The following GNB5 variants were observed in gnomAD, a reference collection of about 807,000 sequenced individuals.
The protein encoded by GNB5 is G protein subunit beta 5.
A neutral mutation model predicts 55.3 loss-of-function variants in GNB5; 37 were observed. The observed-to-expected ratio is 0.67, with a 90% CI of 0.51 to 0.88. GNB5 has a LOEUF of 0.88. GNB5 is among the 40% of genes least tolerant of loss of function. GNB5 has a pLI of 0.00. For synonymous variants in GNB5, 219 were observed against 198.5 expected (o/e 1.10, Z -0.87); for missense variants, 476 against 515.3 (o/e 0.92, Z 0.74).
intron 3 of GNB5, among the ~76,000 whole-genome samples, chr15:52,160,460 G>C (rs921571916): frequency 6.6e-6 from 1 of 152,306 alleles, no homozygotes; most frequent in African/African-American, 2.4e-5. Context: ...GGAGAGCAAC[G>C]GGGCTTTTGA....
At chr15:52,158,369 A>G (rs2034260472) in intron 3 of GNB5, among the ~76,000 whole-genome samples, 1 of 152,242 alleles carries the variant, frequency 6.6e-6, no homozygotes, top group Non-Finnish European at 1.5e-5. Flanking sequence ...CATGGCGTAC[A>G]GTGAGTACCC....
chr15:52,128,945 T>C (rs1357172934), intron 9 of GNB5: 2 of 300,678 alleles, frequency 6.7e-6, no homozygotes, highest in African/African-American at 2.4e-5. Context: ...ACACCTTCCA[T>C]TGTTTCTCCT....
At chr15:52,147,177 T>G (rs1288026305) in intron 6 of GNB5, 2 of 240,640 alleles carry the variant, frequency 8.3e-6, no homozygotes, top group Non-Finnish European at 1.6e-5. Flanking sequence ...TTTTTTTTTT[T>G]TTTTTTTAAA....
chr15:52,180,150 G>T, intron 2 of GNB5: 1 of 259,312 alleles, frequency 3.9e-6, no homozygotes, highest in Non-Finnish European at 7.1e-6. Flanking sequence ...TTTACCAGCG[G>T]GCAAACTGTG....
chr15:52,137,414 A>C (rs1461255715), intron 7 of GNB5: 1 of 1,026,058 alleles, frequency 9.7e-7, no homozygotes, highest in Non-Finnish European at 1.2e-6. Context: ...AGGGGGGCCT[A>C]TGTCTGCACT....
intron 3 of GNB5, among the ~76,000 whole-genome samples, chr15:52,166,459 G>A (rs1167554142): frequency 2.0e-5 from 3 of 152,124 alleles, no homozygotes; most frequent in African/African-American, 7.2e-5. Context: ...CTTAGTAAAT[G>A]CAAAAGAACT....
chr15:52,135,547 A>C, intron 8 of GNB5, 66 bp downstream of exon 8: 1 of 1,404,604 alleles, frequency 7.1e-7, no homozygotes, highest in Non-Finnish European at 1.0e-6. Context: ...TGAATGGACA[A>C]GAACTGCCAC....
At chr15:52,177,327 C>T (rs1298350692) in intron 3 of GNB5, among the ~76,000 whole-genome samples, 5 of 151,716 alleles carry the variant, frequency 3.3e-5, no homozygotes, top group East Asian at 1.9e-4. Context: ...GCCACCCTGT[C>T]GGTCCGAGAC....
intron 3 of GNB5, among the ~76,000 whole-genome samples, chr15:52,169,677 A>C (rs539512527): frequency 8.7e-4 from 132 of 152,148 alleles, no homozygotes; most frequent in African/African-American, 3.1e-3. Context: ...ATTTCATGAC[A>C]AAAATGCCGA....
chr15:52,149,597 C>T, intron 5 of GNB5: 3 of 593,946 alleles, frequency 5.1e-6, no homozygotes, highest in Admixed American at 5.9e-5. Context: ...TGCAGTTGCA[C>T]ATGTGGTTGC....
Position 52,117,102 on chromosome 15 carries a change from A to ATTTTTTTTTTTTTTTTTTT in GNB5, c.*5654_*5655insAAAAAAAAAAAAAAAAAAA, listed in dbSNP as rs977627428. The ATTTTTTTTTTTTTTTTTTT allele has an allele frequency of 5.7e-5, 5 of 87,100 alleles. No individual in the cohort carries two copies. The highest frequency in any genetic ancestry group is 3.0e-4 in the African/African-American group (5 of 16,418). The allele number at this position is 87,100 out of a possible 1,614,324, so 5.4% of individuals were successfully genotyped here. A position where few individuals can be genotyped will look rare whatever the true frequency, so the allele number is the denominator to read the frequency against. ...CCACGCCCAGCTAATATATATATAT[A>ATTTTTTTTTTTTTTTTTTT]TTTTTTTTTAGTACAGACAGGGTTT... On this transcript the variant is annotated 3_prime_UTR_variant, in exon 13 of 13. Coordinates refer to ENST00000261837, the MANE Select transcript of GNB5 (RefSeq NM_016194.4).
At chr15:52,187,360 CAG>C (rs777554176) in intron 1 of GNB5, among the ~76,000 whole-genome samples, 38 of 149,264 alleles carry the variant, frequency 2.5e-4, no homozygotes, top group Non-Finnish European at 3.1e-4. Context: ...AGAAGTAGGT[CAG>C]AGAGAGAGAG....
chr15:52,124,123 T>C lies in GNB5; in HGVS notation c.1176+350A>G, dbSNP rs549774633. ...AATAATCGTAATAAGAACCCTATACTATAGGAGGAGAGACTGGTTATCTGT... is the reference window on the plus strand; with the variant it reads ...AATAATCGTAATAAGAACCCTATACCATAGGAGGAGAGACTGGTTATCTGT... On this transcript the variant is annotated intron_variant, in intron 12 of 12. Coordinates refer to ENST00000261837, the MANE Select transcript of GNB5 (RefSeq NM_016194.4). Among the ~76,000 whole-genome samples the C allele has an allele frequency of 4.0e-5, 6 of 151,648 alleles. No individual in the cohort carries two copies. The East Asian group carries it at 1.2e-3, about 30-fold the overall frequency.
intron 6 of GNB5, among the ~76,000 whole-genome samples, chr15:52,142,537 T>G (rs760618910): frequency 3.3e-5 from 5 of 151,486 alleles, no homozygotes; most frequent in African/African-American, 1.2e-4. Flanking sequence ...TACCCCAAAT[T>G]TGGGGCCTCT....
rs1228737314 is a variant in GNB5, at chr15:52,122,228, TAAAAACACATTCTAA to T, written c.*514_*528del. The T allele has an allele frequency of 3.3e-5, 5 of 152,424 alleles. No individual in the cohort carries two copies. Among genetic ancestry groups the T allele is most frequent in the African/African-American group, 7.2e-5 (3 of 41,456 alleles). The allele number at this position is 152,424 out of a possible 1,614,324, so 9.4% of individuals were successfully genotyped here. A position where few individuals can be genotyped will look rare whatever the true frequency, so the allele number is the denominator to read the frequency against. On this transcript the variant is annotated 3_prime_UTR_variant, in exon 13 of 13. Transcript: ENST00000261837. ...GAAGCTGAAAAAGATACTTTTACAA[TAAAAACACATTCTAA>T]AAAAATGATTTTTGTCTAATTACAT...
chr15:52,142,682 T>C (rs1323670039), intron 6 of GNB5, among the ~76,000 whole-genome samples: 1 of 152,136 alleles, frequency 6.6e-6, no homozygotes, highest in African/African-American at 2.4e-5. Flanking sequence ...ACCTCAGCCT[T>C]ACCCTAAGGT....
At chr15:52,124,947 A>G (rs1217282512) in intron 11 of GNB5, 5 of 200,640 alleles carry the variant, frequency 2.5e-5, no homozygotes, top group African/African-American at 4.6e-5. Flanking sequence ...GACACAAGTA[A>G]ATTATTTTTA....
At chr15:52,152,879 C>T (rs2034129643) in intron 4 of GNB5, among the ~76,000 whole-genome samples, 1 of 152,234 alleles carries the variant, frequency 6.6e-6, no homozygotes, top group Non-Finnish European at 1.5e-5. Context: ...CCTGCCTTGG[C>T]CTCCCAAAGT....
At chr15:52,164,577 G>A (rs577010155) in intron 3 of GNB5, among the ~76,000 whole-genome samples, 22 of 152,036 alleles carry the variant, frequency 1.4e-4, no homozygotes, top group Non-Finnish European at 2.5e-4. Flanking sequence ...GCAGTGAGCC[G>A]AGAGCACGAC....
Sources: gnomAD v4.1 joint callset for allele counts (sites outside exome capture counted in the v4.1 genomes callset) on GRCh38, gnomAD v4.1.1 for gene constraint, MANE v1.5 for transcripts, NCBI Gene and HGNC (gene_info 2026-07-23, HGNC 2026-07-21) for gene names.